The following ACACA variants were observed in gnomAD, a reference collection of about 807,000 sequenced individuals.
ACACA encodes acetyl-CoA carboxylase 1.
Under a neutral mutation model 296.1 loss-of-function variants are expected in ACACA, and 103 were observed. That is an observed-to-expected ratio of 0.35 (90% CI 0.30 to 0.41). ACACA has a LOEUF of 0.41. Ranked by LOEUF, ACACA falls within the 10% of genes least tolerant of loss-of-function variation. The probability of loss-of-function intolerance (pLI) is 1.00; values close to 1 mark genes in which losing one functional copy is unlikely to be tolerated. For synonymous variants in ACACA, 953 were observed against 1,038.6 expected, an observed-to-expected ratio of 0.92 and a Z score of 1.58; for missense variants, 1,554 against 2,989.7, an observed-to-expected ratio of 0.52 and a Z score of 11.20.
chr17:37,353,400 G>T (rs1204851031), intron 1 of ACACA, among the ~76,000 whole-genome samples: 1 of 151,958 alleles, frequency 6.6e-6, no homozygotes, highest in Non-Finnish European at 1.5e-5. Flanking sequence ...TAGCACTTTG[G>T]GAGGCCAAGG....
At chr17:37,131,528 A>G (rs889587105) in intron 45 of ACACA, among the ~76,000 whole-genome samples, 16 of 152,278 alleles carry the variant, frequency 1.1e-4, no homozygotes, top group African/African-American at 2.6e-4. Context: ...CGACAATACA[A>G]AATTTCTTCC....
At position 37,242,062 on chromosome 17, in the gene ACACA, T is replaced by C. The variant is rs749592763; in HGVS notation, c.2932-9A>G. 3.3e-5 allele frequency: 53 copies of C among 1,611,688 alleles called. No homozygotes were observed. The highest frequency in any genetic ancestry group is 1.6e-4 in the Middle Eastern group (1 of 6,078). ...TCTAGGATGTTTGCAATCTAAGGTA[T>C]AAAAAAGGGAAAAAAATGAGGCCCA... On this transcript the variant is annotated splice_polypyrimidine_tract_variant and intron_variant, in intron 22 of 55. Coordinates refer to ENST00000616317, the MANE Select transcript of ACACA (RefSeq NM_198834.3).
intron 43 of ACACA, among the ~76,000 whole-genome samples, chr17:37,151,719 T>C (rs2076046465): frequency 6.6e-6 from 1 of 152,124 alleles, no homozygotes. Context: ...TGGAGTGAAG[T>C]GGTGCAATCA....
At chr17:37,293,917 T>A (rs1374444720) in intron 3 of ACACA, among the ~76,000 whole-genome samples, 3 of 152,154 alleles carry the variant, frequency 2.0e-5, no homozygotes, top group Non-Finnish European at 4.4e-5. Context: ...TGTTTAACGG[T>A]TTATTTAGAT....
intron 40 of ACACA, 126 bp from the exon 41 acceptor site, chr17:37,179,532 G>T: frequency 9.6e-7 from 1 of 1,044,454 alleles, no homozygotes; most frequent in Non-Finnish European, 1.4e-6. Context: ...GTAAACATTA[G>T]ACTAAATTCT....
At chr17:37,275,867 A>G (rs1357855675) in intron 8 of ACACA, 84 bp downstream of exon 8, 1 of 1,147,590 alleles carries the variant, frequency 8.7e-7, no homozygotes, top group Non-Finnish European at 1.3e-6. Context: ...CAAGTATACC[A>G]ATACTTTTTC....
intron 41 of ACACA, among the ~76,000 whole-genome samples, chr17:37,174,020 A>ATATATTTTT (rs552735515): frequency 1.8e-4 from 3 of 16,796 alleles, no homozygotes; most frequent in African/African-American, 2.6e-4. Flanking sequence ...ATATATATAT[A>ATATATTTTT]TTTTTTTTTT....
At chr17:37,221,360 G>A (rs2079281016) in intron 29 of ACACA, among the ~76,000 whole-genome samples, 1 of 152,130 alleles carries the variant, frequency 6.6e-6, no homozygotes, top group African/African-American at 2.4e-5. Flanking sequence ...TCCACCCAAA[G>A]TATTTTTTTG....
At chr17:37,183,959 T>C (rs904491817) in intron 39 of ACACA, among the ~76,000 whole-genome samples, 5 of 150,298 alleles carry the variant, frequency 3.3e-5, no homozygotes, top group African/African-American at 1.2e-4. Context: ...TTCAAGTAAT[T>C]CTCCTGTCTC....
intron 25 of ACACA, among the ~76,000 whole-genome samples, chr17:37,229,016 T>C (rs1462608588): frequency 2.0e-5 from 3 of 151,146 alleles, no homozygotes; most frequent in African/African-American, 7.3e-5. Context: ...TGGTGGCGGG[T>C]GCCTGTAGTC....
chr17:37,299,519 T>C, intron 3 of ACACA: 1 of 1,438,042 alleles, frequency 7.0e-7, no homozygotes, highest in Non-Finnish European at 9.1e-7. Flanking sequence ...TGTCTAATTG[T>C]TCCCAATTTC....
At chr17:37,131,665 CA>C (rs1237660528) in intron 45 of ACACA, among the ~76,000 whole-genome samples, 2 of 152,212 alleles carry the variant, frequency 1.3e-5, no homozygotes, top group African/African-American at 4.8e-5. Context: ...CATGCTGGGT[CA>C]GCACCCCCAT....
intron 3 of ACACA, among the ~76,000 whole-genome samples, chr17:37,318,812 A>C (rs2047212453): frequency 6.6e-6 from 1 of 152,194 alleles, no homozygotes; most frequent in Non-Finnish European, 1.5e-5. Context: ...GATTTAAATA[A>C]AGTCATTTCA....
At chr17:37,176,482 A>G (rs1328099395) in intron 41 of ACACA, among the ~76,000 whole-genome samples, 1 of 152,234 alleles carries the variant, frequency 6.6e-6, no homozygotes, top group Non-Finnish European at 1.5e-5. Flanking sequence ...GGGACAGGAC[A>G]GATTTACTCC....
intron 1 of ACACA, among the ~76,000 whole-genome samples, chr17:37,375,026 C>T (rs2049945661): frequency 6.6e-6 from 1 of 151,428 alleles, no homozygotes; most frequent in Non-Finnish European, 1.5e-5. Flanking sequence ...TGAAACCTGT[C>T]TCTACTAAAA....
chr17:37,196,223 CAA>C (rs1212376004), intron 35 of ACACA, among the ~76,000 whole-genome samples: 1 of 151,406 alleles, frequency 6.6e-6, no homozygotes, highest in Non-Finnish European at 1.5e-5. Context: ...GTAATTAAAA[CAA>C]AAATCCAAAC....
chr17:37,270,905 A>C (rs774441661), intron 9 of ACACA, 44 bp from the exon 10 acceptor site: 3 of 1,498,736 alleles, frequency 2.0e-6, no homozygotes, highest in Non-Finnish European at 2.8e-6. Context: ...CAGTGTTATT[A>C]CCAGGGAAGG....
intron 1 of ACACA, among the ~76,000 whole-genome samples, chr17:37,384,003 T>C (rs983357935): frequency 1.3e-4 from 20 of 152,182 alleles, no homozygotes; most frequent in Middle Eastern, 3.2e-3. Context: ...CGGTGTCTCA[T>C]GCCTGTAATC....
intron 18 of ACACA, 131 bp downstream of exon 18, chr17:37,247,880 A>T (rs2080792495): frequency 7.0e-6 from 7 of 1,005,532 alleles, no homozygotes; most frequent in Non-Finnish European, 1.0e-5. Context: ...TGTTAAGTGC[A>T]TGTACTATTT....
Sources: allele counts gnomAD v4.1 joint callset (sites outside exome capture counted in the v4.1 genomes callset), GRCh38; gene constraint gnomAD v4.1.1; transcripts MANE v1.5; gene names NCBI Gene and HGNC (gene_info 2026-07-23, HGNC 2026-07-21).